Variants in WWOX observed in about 807,000 individuals in gnomAD.
WWOX encodes WW domain containing oxidoreductase, also known as WW domain-containing oxidoreductase.
Under a neutral mutation model 46.2 loss-of-function variants are expected in WWOX, and 69 were observed. The observed-to-expected ratio is 1.49, with a 90% CI of 1.23 to 1.82. The LOEUF is 1.82. WWOX is among the 40% of genes most tolerant of loss of function. The probability of loss-of-function intolerance (pLI) is 0.00; values close to 1 mark genes in which losing one functional copy is unlikely to be tolerated. For synonymous variants in WWOX, 359 were observed against 202.6 expected, an observed-to-expected ratio of 1.77 and a Z score of -6.56; for missense variants, 919 against 542.6, an observed-to-expected ratio of 1.69 and a Z score of -6.89.
chr16:78,223,791 C>T (rs892631826), intron 5 of WWOX, among the ~76,000 whole-genome samples: 2 of 151,994 alleles, frequency 1.3e-5, no homozygotes, highest in Admixed American at 1.3e-4. Flanking sequence ...ACATGGCTGG[C>T]GTAATGGCGG....
intron 8 of WWOX, among the ~76,000 whole-genome samples, chr16:78,462,175 C>T (rs907948106): frequency 1.3e-5 from 2 of 152,098 alleles, no homozygotes; most frequent in African/African-American, 2.4e-5. Context: ...GTAATTTAAG[C>T]AACTTGCAGC....
chr16:78,649,452 GA>G (rs930738654), intron 8 of WWOX, among the ~76,000 whole-genome samples: 1 of 148,706 alleles, frequency 6.7e-6, no homozygotes, highest in East Asian at 2.0e-4. Flanking sequence ...CCCAGCTGTT[GA>G]AAAAAAAATG....
chr16:78,679,821 A>G (rs1238830500), intron 8 of WWOX, among the ~76,000 whole-genome samples: 1 of 152,168 alleles, frequency 6.6e-6, no homozygotes, highest in Non-Finnish European at 1.5e-5. Flanking sequence ...AGAAAGAGAC[A>G]CTCAGAGTCA....
intron 8 of WWOX, among the ~76,000 whole-genome samples, chr16:79,055,223 T>C (rs1597330837): frequency 6.6e-6 from 1 of 152,328 alleles, no homozygotes; most frequent in East Asian, 1.9e-4. Context: ...TTTTCTGTTA[T>C]TTTGGTTTAT....
chr16:78,590,146 G>GTCTCTCTCTGTCTC (rs2045316991), intron 8 of WWOX, among the ~76,000 whole-genome samples: 1 of 149,618 alleles, frequency 6.7e-6, no homozygotes, highest in African/African-American at 2.5e-5. Context: ...TAGGCATTCA[G>GTCTCTCTCTGTCTC]TCTCTCTCTC....
intron 8 of WWOX, among the ~76,000 whole-genome samples, chr16:78,468,555 C>T (rs1051068232): frequency 3.3e-5 from 5 of 152,062 alleles, no homozygotes; most frequent in Non-Finnish European, 7.4e-5. Context: ...TCAGGCCTTC[C>T]CTTGTAGCTT....
chr16:78,556,565 G>A (rs1306221347), intron 8 of WWOX, among the ~76,000 whole-genome samples: 5 of 152,070 alleles, frequency 3.3e-5, no homozygotes, highest in South Asian at 2.1e-4. Flanking sequence ...GAAATCAATC[G>A]CAGCTGGACC....
intron 8 of WWOX, among the ~76,000 whole-genome samples, chr16:78,697,836 G>C (rs1292699255): frequency 6.6e-6 from 1 of 152,028 alleles, no homozygotes; most frequent in Non-Finnish European, 1.5e-5. Flanking sequence ...ATCTGTTTTG[G>C]TCCTGACAAT....
intron 8 of WWOX, among the ~76,000 whole-genome samples, chr16:78,785,277 C>G (rs566449933): frequency 2.0e-5 from 3 of 152,318 alleles, no homozygotes; most frequent in African/African-American, 7.2e-5. Flanking sequence ...CAGGTGCAAC[C>G]TTTGGCTGCA....
At chr16:78,779,327 A>T (rs2050268696) in intron 8 of WWOX, among the ~76,000 whole-genome samples, 1 of 152,056 alleles carries the variant, frequency 6.6e-6, no homozygotes, top group African/African-American at 2.4e-5. Flanking sequence ...ATTTATTTTT[A>T]GTAGAGAGGC....
chr16:78,490,837 T>G (rs1467058353), intron 8 of WWOX, among the ~76,000 whole-genome samples: 1 of 152,164 alleles, frequency 6.6e-6, no homozygotes, highest in Non-Finnish European at 1.5e-5. Flanking sequence ...AGGAAATGGC[T>G]CCGAGAAGCT....
intron 5 of WWOX, among the ~76,000 whole-genome samples, chr16:78,198,598 G>A (rs889965888): frequency 6.6e-6 from 1 of 152,152 alleles, no homozygotes; most frequent in South Asian, 2.1e-4. Flanking sequence ...GCTGCTTCCT[G>A]TGTCTTAATA....
intron 8 of WWOX, among the ~76,000 whole-genome samples, chr16:78,753,463 G>T (rs1286407034): frequency 6.6e-6 from 1 of 152,058 alleles, no homozygotes; most frequent in African/African-American, 2.4e-5. Context: ...TTTCTTTGTT[G>T]CAGCAAATAT....
intron 8 of WWOX, among the ~76,000 whole-genome samples, chr16:79,031,809 TAA>T (rs1040152788): frequency 1.4e-4 from 19 of 137,344 alleles, no homozygotes; most frequent in Non-Finnish European, 2.8e-4. Flanking sequence ...GATATCTATA[TAA>T]TATATATAAT....
chr16:78,590,853 G>C (rs1034495146), intron 8 of WWOX, among the ~76,000 whole-genome samples: 5 of 152,158 alleles, frequency 3.3e-5, no homozygotes, highest in Non-Finnish European at 2.9e-5. Flanking sequence ...CAGAGGAGTT[G>C]TTAAGAGCTC....
chr16:78,201,602 T>C (rs1325306628), intron 5 of WWOX, among the ~76,000 whole-genome samples: 1 of 152,184 alleles, frequency 6.6e-6, no homozygotes. Flanking sequence ...TGTGGGATTA[T>C]TTCTGAGTCA....
chr16:78,812,747 C>T (rs1597655231), intron 8 of WWOX, among the ~76,000 whole-genome samples: 1 of 146,898 alleles, frequency 6.8e-6, no homozygotes, highest in African/African-American at 2.7e-5. Flanking sequence ...AAAAAAAAAT[C>T]TATCCAAAGG....
At chr16:79,211,038 T>A (rs77690710) in intron 8 of WWOX, among the ~76,000 whole-genome samples, 21 of 133,338 alleles carry the variant, frequency 1.6e-4, no homozygotes, top group East Asian at 6.1e-4. Context: ...GTGAGGAGTG[T>A]GTGTGTGTGT....
chr16:79,036,342 C>A (rs1253009022), intron 8 of WWOX, among the ~76,000 whole-genome samples: 1 of 152,224 alleles, frequency 6.6e-6, no homozygotes, highest in African/African-American at 2.4e-5. Context: ...ACTCTTCCTG[C>A]ATTCATTAGA....
Sources: gnomAD v4.1 joint callset for allele counts (sites outside exome capture counted in the v4.1 genomes callset) on GRCh38, gnomAD v4.1.1 for gene constraint, MANE v1.5 for transcripts, NCBI Gene and HGNC (gene_info 2026-07-23, HGNC 2026-07-21) for gene names.